Variants in COBL observed in about 807,000 individuals in gnomAD.
The protein encoded by COBL is protein cordon-bleu.
In COBL, 51 loss-of-function variants were observed where a neutral mutation model predicts 98.8. That is an observed-to-expected ratio of 0.52 (90% CI 0.41 to 0.65). The LOEUF (loss-of-function observed/expected upper bound fraction) is 0.65, where lower values mean the gene tolerates loss of function less well. Among genes scored for constraint, COBL ranks in the 30% least tolerant of loss-of-function variants. COBL has a pLI of 0.00. For missense variants in COBL, 1,617 were observed against 1,617.5 expected, an observed-to-expected ratio of 1.00 and a Z score of 0.01; for synonymous variants, 634 against 651.7, an observed-to-expected ratio of 0.97 and a Z score of 0.41.
At chr7:51,094,742 A>T (rs7807120) in intron 6 of COBL, among the ~76,000 whole-genome samples, 12,781 of 152,238 alleles carry the variant, frequency 0.084, 626 homozygotes, top group Middle Eastern at 0.17. Context: ...TAATATGTTC[A>T]CAATAGTGTG....
At chr7:51,179,780 T>A (rs556737698) in intron 5 of COBL, among the ~76,000 whole-genome samples, 2 of 152,128 alleles carry the variant, frequency 1.3e-5, no homozygotes, top group South Asian at 4.2e-4. Flanking sequence ...AAAGAAAAAA[T>A]CCAGTAATCT....
intron 7 of COBL, chr7:51,065,463 G>T: frequency 1.4e-6 from 1 of 692,102 alleles, no homozygotes; most frequent in South Asian, 1.5e-5. Flanking sequence ...TAGGGGCAAG[G>T]AGGAAATTCA....
intron 7 of COBL, among the ~76,000 whole-genome samples, chr7:51,048,386 C>A (rs1379961722): frequency 6.6e-6 from 1 of 151,906 alleles, no homozygotes; most frequent in Non-Finnish European, 1.5e-5. Context: ...GTTTAATATG[C>A]CATTTACAAC....
chr7:51,193,490 A>C lies in COBL; in HGVS notation c.345T>G (p.Pro115=). The change falls in exon 3 of 13, where the codon CCT becomes CCG. Residue 115 remains proline, a synonymous_variant. Transcript: ENST00000265136. The stretch of plus-strand genomic sequence containing the variant: ...TCAAAGTATTTGGCTTAAAACTCAA[A>C]GGTTGTTGGGTTTCTGAAGACCGAA... ...LEIRSSETQQ[P]LSFKPNTLIG... 1 of 1,614,164 alleles carries C rather than the reference A, an allele frequency of 6.2e-7. No individual in the cohort carries two copies. The highest frequency in any genetic ancestry group is 8.5e-7 in the Non-Finnish European group (1 of 1,180,010).
intron 7 of COBL, among the ~76,000 whole-genome samples, chr7:51,056,994 T>C (rs1790817381): frequency 6.6e-6 from 1 of 152,190 alleles, no homozygotes; most frequent in African/African-American, 2.4e-5. Flanking sequence ...CTGAGTAGCC[T>C]GGTGAAATCT....
At chr7:51,176,176 GCA>G (rs1788364597) in intron 5 of COBL, among the ~76,000 whole-genome samples, 1 of 152,160 alleles carries the variant, frequency 6.6e-6, no homozygotes, top group South Asian at 2.1e-4. Context: ...GAGATACTTG[GCA>G]AGTCTCTGGT....
chr7:51,193,794 T>C (rs912646319), intron 2 of COBL, among the ~76,000 whole-genome samples: 24 of 152,192 alleles, frequency 1.6e-4, no homozygotes, highest in Non-Finnish European at 2.9e-5. Flanking sequence ...AACAACACTA[T>C]TGAAAGAGAA....
chr7:51,243,796 G>A (rs902582706), intron 1 of COBL, among the ~76,000 whole-genome samples: 4 of 151,938 alleles, frequency 2.6e-5, no homozygotes, highest in African/African-American at 7.3e-5. Flanking sequence ...AGGTCTTGGG[G>A]TGAAGGAGCG....
chr7:51,180,917 A>G (rs1788881764), intron 5 of COBL, among the ~76,000 whole-genome samples: 2 of 152,214 alleles, frequency 1.3e-5, no homozygotes. Context: ...TCAGATTATT[A>G]ATACTATATA....
At chr7:51,183,015 C>T (rs1040758111) in intron 5 of COBL, among the ~76,000 whole-genome samples, 2 of 152,212 alleles carry the variant, frequency 1.3e-5, no homozygotes, top group Non-Finnish European at 2.9e-5. Flanking sequence ...CACGCAGACA[C>T]ATCTGTGTCT....
At chr7:51,181,593 T>C (rs1412614948) in intron 5 of COBL, among the ~76,000 whole-genome samples, 1 of 152,246 alleles carries the variant, frequency 6.6e-6, no homozygotes, top group Non-Finnish European at 1.5e-5. Context: ...GAATGGAGCA[T>C]TCCCCAAGGC....
At chr7:51,044,062 T>C (rs899049644) in intron 7 of COBL, among the ~76,000 whole-genome samples, 5 of 152,240 alleles carry the variant, frequency 3.3e-5, no homozygotes, top group African/African-American at 1.2e-4. Context: ...GTGAGATCTT[T>C]AGAAAAACAT....
intron 5 of COBL, among the ~76,000 whole-genome samples, chr7:51,166,681 G>T (rs1325956111): frequency 1.3e-5 from 2 of 152,078 alleles, no homozygotes; most frequent in Admixed American, 6.6e-5. Flanking sequence ...TATCTCTGAT[G>T]AATATAAATG....
chr7:51,214,861 G>A lies in COBL; in HGVS notation c.245+4880C>T, dbSNP rs143926711. Among the ~76,000 whole-genome samples, 513 of 152,246 alleles carry A rather than the reference G, an allele frequency of 3.4e-3. 3 individuals are homozygous for A. Among genetic ancestry groups the A allele is most frequent in the African/African-American group, 0.012 (479 of 41,532 alleles). ...GGCACACGCAGTCTTGTTTGAGATC[G>A]GTGGAGCTGCAGGGAGGCCTACAGG... is the stretch of plus-strand genomic sequence containing the variant. On this transcript the variant is annotated intron_variant, in intron 2 of 12. Coordinates refer to ENST00000265136, the MANE Select transcript of COBL (RefSeq NM_015198.5).
At chr7:51,293,661 T>A (rs1801120538) in intron 1 of COBL, among the ~76,000 whole-genome samples, 1 of 152,224 alleles carries the variant, frequency 6.6e-6, no homozygotes, top group Non-Finnish European at 1.5e-5. Flanking sequence ...TATGCCTTAA[T>A]ATGTATAGTT....
chr7:51,055,995 CAT>C (rs1029952847), intron 7 of COBL, among the ~76,000 whole-genome samples: 12 of 152,176 alleles, frequency 7.9e-5, no homozygotes, highest in African/African-American at 2.7e-4. Flanking sequence ...GTGCTCTTCA[CAT>C]GTCTCCTGTT....
At chr7:51,264,530 T>G (rs1388181703) in intron 1 of COBL, among the ~76,000 whole-genome samples, 1 of 151,064 alleles carries the variant, frequency 6.6e-6, no homozygotes, top group Non-Finnish European at 1.5e-5. Flanking sequence ...AATTAGCCGG[T>G]CTTGGTGGTG....
intron 6 of COBL, among the ~76,000 whole-genome samples, chr7:51,091,920 G>A (rs1478255135): frequency 6.6e-6 from 1 of 152,158 alleles, no homozygotes; most frequent in Non-Finnish European, 1.5e-5. Flanking sequence ...TGCCAATCAA[G>A]GATACTTAAA....
In COBL at chr7:51,085,153, G is replaced by T. The variant is rs770161143; in HGVS notation, c.1096+13C>A. ...CATCCCCGCATGCAGACGGCAGGCC[G>T]AGCCTCACTCACCCATCGTGCTCTT... is the stretch of plus-strand genomic sequence containing the variant. On this transcript the variant is annotated intron_variant, in intron 7 of 12. Transcript: ENST00000265136. 6.2e-7 allele frequency: 1 copy of T among 1,613,444 alleles called. No homozygotes were observed. The highest frequency in any genetic ancestry group is 8.5e-7 in the Non-Finnish European group (1 of 1,179,906).
Sources: allele counts gnomAD v4.1 joint callset (sites outside exome capture counted in the v4.1 genomes callset), GRCh38; gene constraint gnomAD v4.1.1; transcripts MANE v1.5; gene names NCBI Gene and HGNC (gene_info 2026-07-23, HGNC 2026-07-21).